TARS1: variants seen among roughly 807,000 people sequenced by gnomAD.
TARS1 encodes the protein threonine--tRNA ligase 1, cytoplasmic.
A neutral mutation model predicts 97.7 loss-of-function variants in TARS1; 57 were observed. The ratio of observed to expected loss-of-function variants is 0.58; its 90% CI spans 0.47 to 0.73. The LOEUF is 0.73. Ranked by LOEUF, TARS1 falls within the 30% of genes least tolerant of loss-of-function variation. TARS1 has a pLI of 0.00. For missense variants in TARS1, 806 were observed against 888.3 expected (o/e 0.91, Z 1.18); for synonymous variants, 312 against 293.7 (o/e 1.06, Z -0.64).
chr5:33,443,316 T>TCTCC (rs1272338409), intron 1 of TARS1, among the ~76,000 whole-genome samples: 12 of 120,630 alleles, frequency 9.9e-5, no homozygotes, highest in South Asian at 3.2e-4. Flanking sequence ...CCTCTCTCTC[T>TCTCC]CTCCCTCTCT....
chr5:33,446,842 T>A (rs1741442678), intron 2 of TARS1: 1 of 898,472 alleles, frequency 1.1e-6, no homozygotes, highest in East Asian at 6.3e-5. Context: ...CAGATTATGG[T>A]TGTAGAATGA....
intron 2 of TARS1, among the ~76,000 whole-genome samples, chr5:33,447,733 A>C (rs1741490090): frequency 6.6e-6 from 1 of 152,254 alleles, no homozygotes; most frequent in South Asian, 2.1e-4. Flanking sequence ...ATAGAAAGTC[A>C]TGGCAAAATT....
Position 33,452,290 on chromosome 5 carries a change from A to C in TARS1, c.330-999A>C, listed in dbSNP as rs910671498. 3.0e-6 allele frequency: 4 copies of C among 1,348,186 alleles called. No individual in the cohort carries two copies. In the African/African-American group the frequency reaches 5.8e-5, roughly 19 times the overall value. 83.5% of individuals were successfully genotyped at this position (1,348,186 alleles called of 1,614,324 possible). A position where few individuals can be genotyped will look rare whatever the true frequency, so the allele number is the denominator to read the frequency against. Reference sequence around the variant, plus strand: ...GGCTGTTATAGACTATTATTTCTCTAGCTGTGCATTTAGATGTATAATCTG... The same window carrying C: ...GGCTGTTATAGACTATTATTTCTCTCGCTGTGCATTTAGATGTATAATCTG... On this transcript the variant is annotated intron_variant, in intron 3 of 18. Transcript: ENST00000265112.
intron 3 of TARS1, chr5:33,452,488 G>C (rs1248868792): frequency 7.1e-7 from 1 of 1,400,850 alleles, no homozygotes; most frequent in Non-Finnish European, 9.8e-7. Context: ...GACCTGTACT[G>C]CTTTCCCTCC....
chr5:33,446,692 C>A, intron 2 of TARS1: 1 of 1,289,372 alleles, frequency 7.8e-7, no homozygotes, highest in South Asian at 1.2e-5. Context: ...GAGATTTTGA[C>A]ACGAAATTCT....
intron 17 of TARS1, among the ~76,000 whole-genome samples, chr5:33,465,059 C>G (rs1561080057): frequency 6.6e-6 from 1 of 151,712 alleles, no homozygotes; most frequent in Non-Finnish European, 1.5e-5. Context: ...GAGCAAGACT[C>G]CATCTCAAAA....
chr5:33,462,099 C>G lies in TARS1; in HGVS notation c.1731C>G (p.Ser577Arg). The G allele has an allele frequency of 1.2e-6, 2 of 1,610,820 alleles. No homozygotes were observed. The highest frequency in any genetic ancestry group is 1.7e-6 in the Non-Finnish European group (2 of 1,178,966). The stretch of plus-strand genomic sequence containing the variant: ...AAAACAATTTTTTTTTTCTTTATAG[C>G]CATGATGGTGATGATAAGAAAAGGC... ...LPIRFNLTYV[S>R]HDGDDKKRPV... Residue 577 changes from serine to arginine, a missense_variant and splice_region_variant, in exon 16 of 19, where the codon AGC becomes AGG. Physicochemically the swap from Ser to Arg is moderately radical, Grantham distance 110 (BLOSUM62 -1). Transcript: ENST00000265112.
Position 33,467,697 on chromosome 5 carries a change from G to A in TARS1, c.2161G>A (p.Glu721Lys). The change falls in exon 19 of 19, where the codon GAA becomes AAA. Residue 721 changes from glutamate to lysine, a missense_variant. Transcript: ENST00000265112. ...LKEFRSKQAEEEF is the reference protein window; with the variant it reads ...LKEFRSKQAEKEF ...AGAGTTCCGCAGCAAACAGGCAGAA[G>A]AAGAATTTTAATGAAAAAATTACCC... The A allele has an allele frequency of 6.2e-7, 1 of 1,608,804 alleles. No individual in the cohort carries two copies. Among genetic ancestry groups the A allele is most frequent in the South Asian group, 1.1e-5 (1 of 89,562 alleles).
intron 3 of TARS1, among the ~76,000 whole-genome samples, chr5:33,451,620 G>C (rs563713411): frequency 1.4e-3 from 212 of 152,240 alleles, no homozygotes; most frequent in African/African-American, 4.8e-3. Context: ...TGATCCACCC[G>C]CCTCGGCCTC....
chr5:33,444,617 C>T (rs775488019), intron 1 of TARS1, among the ~76,000 whole-genome samples: 9 of 152,186 alleles, frequency 5.9e-5, no homozygotes, highest in Non-Finnish European at 1.2e-4. Context: ...CTTTCTAAAA[C>T]AATCCTTCAT....
intron 17 of TARS1, among the ~76,000 whole-genome samples, chr5:33,465,699 A>T (rs920399210): frequency 6.6e-6 from 1 of 152,224 alleles, no homozygotes; most frequent in Non-Finnish European, 1.5e-5. Flanking sequence ...TGCACAGTAT[A>T]GGCAAAGTCA....
chr5:33,441,411 C>T, intron 1 of TARS1: 1 of 471,990 alleles, frequency 2.1e-6, no homozygotes, highest in South Asian at 2.6e-5. Context: ...TTGTTCAGAG[C>T]CTCACATCTA....
At chr5:33,449,912 G>A (rs552057902) in intron 3 of TARS1, among the ~76,000 whole-genome samples, 1 of 152,144 alleles carries the variant, frequency 6.6e-6, no homozygotes, top group African/African-American at 2.4e-5. Flanking sequence ...CTTAAAATAT[G>A]TGAATATGTA....
In TARS1 at chr5:33,453,365, G is replaced by A; in HGVS notation, c.406G>A (p.Asp136Asn). 6.2e-7 allele frequency: 1 copy of A among 1,611,266 alleles called. No homozygotes were observed. Among genetic ancestry groups the A allele is most frequent in the Middle Eastern group, 1.7e-4 (1 of 6,054 alleles). The part of the protein sequence containing the change: ...VWDLDRPLEE[D>N]CTLELLKFED... ...GGACCTGGACCGCCCTCTGGAAGAA[G>A]ATTGTACCTTGGAGCTTCTCAAGTT... The change falls in exon 4 of 19, where the codon GAT (aspartate) becomes AAT (asparagine). Residue 136 changes from aspartate (D) to asparagine (N), a missense_variant. This residue lies in a region of TARS1 where 356 missense variants were observed against 357.8 expected (regional missense o/e 0.99). Coordinates refer to ENST00000265112, the MANE Select transcript of TARS1 (RefSeq NM_152295.5).
intron 1 of TARS1, among the ~76,000 whole-genome samples, chr5:33,442,320 C>CTTTTTTTTTTTTT (rs763508345): frequency 2.9e-5 from 3 of 104,598 alleles, no homozygotes; most frequent in Non-Finnish European, 5.6e-5. Flanking sequence ...TGTTTTGTAA[C>CTTTTTTTTTTTTT]TTTTTTTTTT....
At chr5:33,462,042 G>A (rs1270445187) in intron 15 of TARS1, 36 bp downstream of exon 15, 1 of 1,601,860 alleles carries the variant, frequency 6.2e-7, no homozygotes, top group East Asian at 2.2e-5. Flanking sequence ...TATTCTCCAG[G>A]GATATATAAG....
chr5:33,453,183 T>TA lies in TARS1; in HGVS notation c.330-99dup, dbSNP rs556193539. On this transcript the variant is annotated intron_variant, in intron 3 of 18. Coordinates refer to ENST00000265112, the MANE Select transcript of TARS1 (RefSeq NM_152295.5). ...TCAGAAAAATAGAGATACATCAATATAAAAAAACAATATATAATAAAAATA... is the reference window on the plus strand; with the variant it reads ...TCAGAAAAATAGAGATACATCAATATAAAAAAAACAATATATAATAAAAATA... The TA allele has an allele frequency of 8.3e-4, 1,055 of 1,270,670 alleles. 2 individuals are homozygous for TA. Among genetic ancestry groups the TA allele is most frequent in the Non-Finnish European group, 1.0e-3 (988 of 987,372 alleles). 78.7% of individuals were successfully genotyped at this position (1,270,670 alleles called of 1,614,324 possible). A position where few individuals can be genotyped will look rare whatever the true frequency, so the allele number is the denominator to read the frequency against.
At chr5:33,443,827 A>T (rs1741274320) in intron 1 of TARS1, among the ~76,000 whole-genome samples, 1 of 152,168 alleles carries the variant, frequency 6.6e-6, no homozygotes, top group African/African-American at 2.4e-5. Context: ...ATACTTGATC[A>T]GTTACATCAC....
chr5:33,440,858 C>T (rs1741047215), upstream of TARS1: 3 of 566,106 alleles, frequency 5.3e-6, no homozygotes, highest in Non-Finnish European at 9.4e-6. Flanking sequence ...GGCTCTGTCA[C>T]CCGAAAAGAT....
Sources: gnomAD v4.1 joint callset for allele counts (sites outside exome capture counted in the v4.1 genomes callset) on GRCh38, gnomAD v4.1.1 for gene constraint, gnomAD v4.1.1 regional missense constraint, MANE v1.5 for transcripts, NCBI Gene and HGNC (gene_info 2026-07-23, HGNC 2026-07-21) for gene names.